Variants in INPP4A observed in about 807,000 individuals in gnomAD.
INPP4A encodes the protein inositol polyphosphate-4-phosphatase type I A.
A neutral mutation model predicts 119.8 loss-of-function variants in INPP4A; 33 were observed. That is an observed-to-expected ratio of 0.28 (90% CI 0.21 to 0.37). INPP4A has a LOEUF of 0.37. Ranked by LOEUF, INPP4A falls within the 10% of genes least tolerant of loss-of-function variation. The pLI is 1.00. For synonymous variants in INPP4A, 496 were observed against 500.7 expected, an observed-to-expected ratio of 0.99 and a Z score of 0.12; for missense variants, 956 against 1,289.9, an observed-to-expected ratio of 0.74 and a Z score of 3.97.
chr2:98,549,131 T>G (rs1386728405), intron 13 of INPP4A, among the ~76,000 whole-genome samples: 1 of 152,188 alleles, frequency 6.6e-6, no homozygotes, highest in Non-Finnish European at 1.5e-5. Flanking sequence ...ACTGCAATGT[T>G]CTTTAATAAT....
intron 1 of INPP4A, among the ~76,000 whole-genome samples, chr2:98,485,490 G>C (rs534891456): frequency 6.6e-6 from 1 of 152,046 alleles, no homozygotes; most frequent in Admixed American, 6.5e-5. Context: ...AACATATCCA[G>C]CTTACTGCCC....
At chr2:98,453,062 C>T (rs1410594935) in intron 1 of INPP4A, among the ~76,000 whole-genome samples, 6 of 152,200 alleles carry the variant, frequency 3.9e-5, no homozygotes. Context: ...GCAAGTACAA[C>T]TCCAACTTGA....
At chr2:98,512,121 A>G (rs1011182897) in intron 1 of INPP4A, among the ~76,000 whole-genome samples, 1 of 152,216 alleles carries the variant, frequency 6.6e-6, no homozygotes, top group African/African-American at 2.4e-5. Flanking sequence ...TGCCAAGGTG[A>G]CAACCTCACA....
chr2:98,586,598 C>T (rs930689211), intron 24 of INPP4A, among the ~76,000 whole-genome samples: 6 of 152,214 alleles, frequency 3.9e-5, no homozygotes, highest in African/African-American at 7.2e-5. Context: ...GAGAACTCCC[C>T]GGACGCGCTC....
chr2:98,478,996 T>A (rs1677835799), intron 1 of INPP4A, among the ~76,000 whole-genome samples: 1 of 152,184 alleles, frequency 6.6e-6, no homozygotes, highest in South Asian at 2.1e-4. Flanking sequence ...CCTAGAAGAC[T>A]TGTTCAATGC....
At chr2:98,486,274 A>G (rs1281625368) in intron 1 of INPP4A, among the ~76,000 whole-genome samples, 1 of 152,200 alleles carries the variant, frequency 6.6e-6, no homozygotes, top group Non-Finnish European at 1.5e-5. Context: ...TATGCTGGTG[A>G]TGCTGTGTGA....
chr2:98,481,146 C>T (rs886775329), intron 1 of INPP4A, among the ~76,000 whole-genome samples: 6 of 152,154 alleles, frequency 3.9e-5, no homozygotes, highest in Non-Finnish European at 7.3e-5. Context: ...ATAATTTAAT[C>T]AGAGCACTGT....
intron 4 of INPP4A, among the ~76,000 whole-genome samples, chr2:98,531,304 T>C (rs1345172384): frequency 1.3e-5 from 2 of 151,928 alleles, no homozygotes; most frequent in Non-Finnish European, 2.9e-5. Context: ...AAGAACCAAA[T>C]AGATATTCTA....
chr2:98,450,692 T>C (rs1336277329), intron 1 of INPP4A, among the ~76,000 whole-genome samples: 2 of 152,244 alleles, frequency 1.3e-5, no homozygotes, highest in Non-Finnish European at 2.9e-5. Context: ...TGGATTCGTA[T>C]ACAGAGTGTG....
intron 1 of INPP4A, among the ~76,000 whole-genome samples, chr2:98,482,786 A>T (rs550968473): frequency 5.9e-5 from 9 of 152,372 alleles, no homozygotes; most frequent in Middle Eastern, 6.8e-3. Context: ...CACTTGAAAA[A>T]ATTATACTTA....
chr2:98,469,361 G>A (rs1364813202), intron 1 of INPP4A, among the ~76,000 whole-genome samples: 1 of 152,024 alleles, frequency 6.6e-6, no homozygotes, highest in African/African-American at 2.4e-5. Context: ...GTCGGGTGTG[G>A]TGGCTGGCAT....
intron 1 of INPP4A, among the ~76,000 whole-genome samples, chr2:98,503,059 C>T (rs997080969): frequency 6.6e-5 from 10 of 152,078 alleles, no homozygotes; most frequent in Admixed American, 2.6e-4. Flanking sequence ...ATGTGTTGGT[C>T]GTGAATGTTG....
intron 4 of INPP4A, among the ~76,000 whole-genome samples, chr2:98,530,718 G>A (rs963639938): frequency 2.6e-5 from 4 of 152,174 alleles, no homozygotes; most frequent in African/African-American, 9.7e-5. Context: ...TCAGAAACAT[G>A]AGGAGATAAG....
At chr2:98,551,799 G>A (rs966127805) in intron 13 of INPP4A, among the ~76,000 whole-genome samples, 1 of 152,192 alleles carries the variant, frequency 6.6e-6, no homozygotes, top group African/African-American at 2.4e-5. Context: ...ATTTTAGGAG[G>A]AGACCTCTGC....
Position 98,554,314 on chromosome 2 carries a change from A to G in INPP4A, c.1391A>G (p.Asn464Ser), listed in dbSNP as rs1367457618. Residue 464 changes from asparagine to serine, a missense_variant, in exon 15 of 25, where the codon AAC (asparagine) becomes AGC (serine). Asn to Ser is a conservative substitution (Grantham distance 46). Around this residue, in one of 2 missense-constraint regions of INPP4A, gnomAD observed 652 missense variants for 797.9 expected, o/e 0.82. Transcript: ENST00000409851. The surrounding 1 kb of genome is among the most constrained non-coding windows in gnomAD (Gnocchi z 4.7). The part of the protein sequence containing the change: ...VTVCDCKLLA[N>S]SIHGLNAARP... ...GTCTGCGACTGCAAGCTCCTGGCCA[A>G]CTCCATCCATGGGCTGAACGCTGCA... The G allele has an allele frequency of 6.2e-7, 1 of 1,612,112 alleles. No individual in the cohort carries two copies. The highest frequency in any genetic ancestry group is 1.1e-5 in the South Asian group (1 of 90,510).
intron 17 of INPP4A, among the ~76,000 whole-genome samples, chr2:98,561,102 C>T (rs1245906428): frequency 6.6e-6 from 1 of 152,194 alleles, no homozygotes; most frequent in East Asian, 1.9e-4. Context: ...TCCCTTTCTC[C>T]CTCCCCTACT....
intron 13 of INPP4A, among the ~76,000 whole-genome samples, chr2:98,549,805 G>A (rs1283710812): frequency 1.3e-5 from 2 of 152,100 alleles, no homozygotes; most frequent in Middle Eastern, 3.2e-3. Flanking sequence ...TTTTCCCTGG[G>A]GGTACTTTAG....
chr2:98,533,176 T>C (rs1452016060), intron 4 of INPP4A, among the ~76,000 whole-genome samples: 1 of 152,234 alleles, frequency 6.6e-6, no homozygotes, highest in Non-Finnish European at 1.5e-5. Context: ...CATTGCTGTC[T>C]TGGAGGGTGG....
intron 7 of INPP4A, among the ~76,000 whole-genome samples, chr2:98,536,958 C>A (rs975220386): frequency 1.3e-5 from 2 of 152,172 alleles, no homozygotes; most frequent in African/African-American, 4.8e-5. Flanking sequence ...AAGGAACCAT[C>A]TTTGGTAAAA....
Sources: gnomAD v4.1 joint callset for allele counts (sites outside exome capture counted in the v4.1 genomes callset) on GRCh38, gnomAD v4.1.1 for gene constraint, gnomAD v4.1.1 regional missense constraint, Gnocchi (gnomAD v3.1) non-coding constraint, MANE v1.5 for transcripts, NCBI Gene and HGNC (gene_info 2026-07-23, HGNC 2026-07-21) for gene names.